Variants in AGTPBP1 observed in about 807,000 individuals in gnomAD.
AGTPBP1 encodes the protein cytosolic carboxypeptidase 1.
A neutral mutation model predicts 143.9 loss-of-function variants in AGTPBP1; 70 were observed. That is an observed-to-expected ratio of 0.49 (90% confidence interval 0.40 to 0.59). The LOEUF is 0.59. AGTPBP1 is among the 20% of genes least tolerant of loss of function. The probability of loss-of-function intolerance (pLI) is 0.00; values close to 1 mark genes in which losing one functional copy is unlikely to be tolerated. For missense variants in AGTPBP1, 1,229 were observed against 1,464.5 expected, an observed-to-expected ratio of 0.84 and a Z score of 2.62; for synonymous variants, 463 against 500.2, an observed-to-expected ratio of 0.93 and a Z score of 0.99.
chr9:85,574,051 T>C (rs62566886), intron 25 of AGTPBP1, among the ~76,000 whole-genome samples: 2,569 of 152,298 alleles, frequency 0.017, 32 homozygotes, highest in Middle Eastern at 0.054. Context: ...GGGGAAAAGA[T>C]TGAGAAATCG....
chr9:85,676,613 A>G (rs1043029033), intron 6 of AGTPBP1, among the ~76,000 whole-genome samples: 4 of 152,152 alleles, frequency 2.6e-5, no homozygotes, highest in African/African-American at 4.8e-5. Flanking sequence ...TACAGCCACT[A>G]TGGAAAACAG....
chr9:85,592,418 T>C lies in AGTPBP1; in HGVS notation c.2568+142A>G, dbSNP rs1388418657. On this transcript the variant is annotated intron_variant, in intron 19 of 25. Transcript: ENST00000357081. ...GTTAGAATATTTAACTAAACTCAAT[T>C]AGTATAATTATCCTTATGTTAGAAT... The C allele has an allele frequency of 1.7e-5, 9 of 531,072 alleles. No homozygotes were observed. The East Asian group carries it at 3.2e-4, about 19-fold the overall frequency. The allele number at this position is 531,072 out of a possible 1,614,324, so 32.9% of individuals were successfully genotyped here. A position where few individuals can be genotyped will look rare whatever the true frequency, so the allele number is the denominator to read the frequency against.
chr9:85,589,776 G>C, intron 19 of AGTPBP1, 95 bp from the exon 20 acceptor site: 1 of 1,228,028 alleles, frequency 8.1e-7, no homozygotes, highest in Admixed American at 2.8e-5. Context: ...AACTAGAAGT[G>C]AATCAGATTC....
intron 23 of AGTPBP1, among the ~76,000 whole-genome samples, chr9:85,579,819 T>C (rs777371690): frequency 2.7e-5 from 4 of 150,172 alleles, no homozygotes; most frequent in Admixed American, 2.0e-4. Flanking sequence ...CACTACTAGA[T>C]AGTCACTAAG....
intron 1 of AGTPBP1, among the ~76,000 whole-genome samples, chr9:85,718,991 T>C (rs1172422153): frequency 4.6e-5 from 7 of 152,292 alleles, no homozygotes; most frequent in Non-Finnish European, 8.8e-5. Context: ...ATGTATGGTG[T>C]TATATCTGAG....
At chr9:85,698,585 G>C (rs1164517771) in intron 2 of AGTPBP1, among the ~76,000 whole-genome samples, 1 of 144,252 alleles carries the variant, frequency 6.9e-6, no homozygotes, top group African/African-American at 2.5e-5. Flanking sequence ...AAGAAAAAAA[G>C]CTATATATGA....
At chr9:85,573,571 T>C (rs1827673051) in intron 25 of AGTPBP1, among the ~76,000 whole-genome samples, 1 of 148,806 alleles carries the variant, frequency 6.7e-6, no homozygotes, top group African/African-American at 2.5e-5. Flanking sequence ...ACCCATCGTC[T>C]GGGATGTGAG....
rs768719807 is a variant in AGTPBP1, at chr9:85,726,151, G to A, written c.-33-13585C>T. Among the ~76,000 whole-genome samples the A allele has an allele frequency of 2.7e-5, 4 of 148,156 alleles. No homozygotes were observed. In the East Asian group the frequency reaches 7.8e-4, roughly 29 times the overall value. ...AGGGTGAGGTAGAAGGATCGCTTGA[G>A]CCTGGAAGATTGAGGCTACAGTGAG... On this transcript the variant is annotated intron_variant, in intron 1 of 25. Coordinates refer to ENST00000357081, the MANE Select transcript of AGTPBP1 (RefSeq NM_001330701.2).
At chr9:85,646,586 T>C (rs1375962956) in intron 11 of AGTPBP1, among the ~76,000 whole-genome samples, 168 bp from the exon 12 acceptor site, 2 of 152,208 alleles carry the variant, frequency 1.3e-5, no homozygotes, top group Non-Finnish European at 2.9e-5. Context: ...GACAAACCCA[T>C]GGGACCATAT....
chr9:85,639,397 ACAT>A (rs1832317594), intron 13 of AGTPBP1, among the ~76,000 whole-genome samples: 1 of 151,802 alleles, frequency 6.6e-6, no homozygotes, highest in Non-Finnish European at 1.5e-5. Flanking sequence ...ACACACACAC[ACAT>A]ATGAAAAGAA....
chr9:85,639,828 G>A (rs1832349235), intron 13 of AGTPBP1, among the ~76,000 whole-genome samples: 1 of 152,168 alleles, frequency 6.6e-6, no homozygotes. Context: ...TTGTCACTAT[G>A]AATAAATAAA....
chr9:85,661,265 G>A (rs530740706), intron 8 of AGTPBP1, among the ~76,000 whole-genome samples: 1 of 152,040 alleles, frequency 6.6e-6, no homozygotes, highest in Non-Finnish European at 1.5e-5. Flanking sequence ...TAGATGAACG[G>A]AATCATTCAT....
chr9:85,790,544 A>G, the AGTPBP1 span, among the ~76,000 whole-genome samples: 1 of 152,184 alleles, frequency 6.6e-6, no homozygotes, highest in Non-Finnish European at 1.5e-5. Flanking sequence ...AATTAGAACA[A>G]AGGAAATTAT....
Position 85,592,870 on chromosome 9 carries a change from AACT to A in AGTPBP1, c.2424-169_2424-167del, listed in dbSNP as rs146729686. Among the ~76,000 whole-genome samples, 37 of 152,310 alleles carry A rather than the reference AACT, an allele frequency of 2.4e-4. No homozygotes were observed. The East Asian group carries it at 6.0e-3, about 25-fold the overall frequency. On this transcript the variant is annotated intron_variant, in intron 18 of 25. Coordinates refer to ENST00000357081, the MANE Select transcript of AGTPBP1 (RefSeq NM_001330701.2). ...AAAACTTAGTACTAATAAAGCAGTA[AACT>A]ATTATTAGCCAATGACATTACATAA...
upstream of AGTPBP1, chr9:85,742,034 T>A (rs1278683612): frequency 8.4e-7 from 1 of 1,192,258 alleles, no homozygotes; most frequent in African/African-American, 1.6e-5. Context: ...GCGCAGGGAG[T>A]GGGGGCGGGG....
At chr9:85,784,257 G>A in the AGTPBP1 span, among the ~76,000 whole-genome samples, 511 of 152,172 alleles carry the variant, frequency 3.4e-3, 4 homozygotes, top group African/African-American at 0.011. Flanking sequence ...TTCCCTAGTC[G>A]GTTCCCTCAA....
At chr9:85,763,493 C>CA in the AGTPBP1 span, among the ~76,000 whole-genome samples, 1 of 150,128 alleles carries the variant, frequency 6.7e-6, no homozygotes, top group African/African-American at 2.5e-5. Flanking sequence ...GTATAAGGTG[C>CA]AAAAAAAAGT....
At chr9:85,790,091 G>A in the AGTPBP1 span, among the ~76,000 whole-genome samples, 1 of 152,160 alleles carries the variant, frequency 6.6e-6, no homozygotes, top group South Asian at 2.1e-4. Flanking sequence ...AACATTTAAA[G>A]TTGTAACAGA....
intron 1 of AGTPBP1, among the ~76,000 whole-genome samples, chr9:85,727,087 C>G (rs1394723296): frequency 6.6e-6 from 1 of 152,076 alleles, no homozygotes; most frequent in African/African-American, 2.4e-5. Flanking sequence ...CCTAGCACTC[C>G]AGGATGAGGT....
Sources: allele counts gnomAD v4.1 joint callset (sites outside exome capture counted in the v4.1 genomes callset), GRCh38; gene constraint gnomAD v4.1.1; transcripts MANE v1.5; gene names NCBI Gene and HGNC (gene_info 2026-07-23, HGNC 2026-07-21).